The following GABRB1 variants were observed in gnomAD, a reference collection of about 807,000 sequenced individuals.
GABRB1 encodes the protein gamma-aminobutyric acid type A receptor subunit beta1.
GABRB1 carries 17 observed loss-of-function variants against 51.6 expected under a neutral mutation model. The ratio of observed to expected loss-of-function variants is 0.33; its 90% CI spans 0.23 to 0.49. The LOEUF (loss-of-function observed/expected upper bound fraction) is 0.49, where lower values mean the gene tolerates loss of function less well. Ranked by LOEUF, GABRB1 falls within the 20% of genes least tolerant of loss-of-function variation. GABRB1 has a pLI of 0.99. For missense variants in GABRB1, 410 were observed against 600.6 expected (o/e 0.68, Z 3.32); for synonymous variants, 247 against 218.9 (o/e 1.13, Z -1.14).
intron 4 of GABRB1, among the ~76,000 whole-genome samples, chr4:47,301,774 A>C (rs937841131): frequency 6.6e-6 from 1 of 152,200 alleles, no homozygotes; most frequent in Admixed American, 6.6e-5. Context: ...ACTGAAAAGC[A>C]CTTACAAATA....
At chr4:47,034,157 A>G (rs1204283552) in intron 3 of GABRB1, among the ~76,000 whole-genome samples, 1 of 152,204 alleles carries the variant, frequency 6.6e-6, no homozygotes, top group Non-Finnish European at 1.5e-5. Flanking sequence ...TAAAAAGCTC[A>G]AAAAGCAAAT....
At chr4:47,114,721 C>G (rs1479178927) in intron 3 of GABRB1, among the ~76,000 whole-genome samples, 1 of 152,158 alleles carries the variant, frequency 6.6e-6, no homozygotes, top group Non-Finnish European at 1.5e-5. Flanking sequence ...CTCCAACTTT[C>G]ATTTTTGAAA....
intron 4 of GABRB1, among the ~76,000 whole-genome samples, chr4:47,267,452 C>T (rs1349499897): frequency 1.3e-5 from 2 of 151,170 alleles, no homozygotes; most frequent in East Asian, 3.9e-4. Context: ...ATTTAAATAT[C>T]AACTAAAGAT....
intron 3 of GABRB1, among the ~76,000 whole-genome samples, chr4:47,115,969 A>T (rs1331137360): frequency 3.3e-5 from 5 of 152,166 alleles, no homozygotes; most frequent in Non-Finnish European, 7.4e-5. Context: ...TAGTCAGGCT[A>T]TATCATCTTC....
chr4:47,174,136 C>T (rs1444101421), intron 4 of GABRB1, among the ~76,000 whole-genome samples: 2 of 152,086 alleles, frequency 1.3e-5, no homozygotes, highest in Non-Finnish European at 2.9e-5. Flanking sequence ...GCAATCATGG[C>T]TCACTGCAAC....
At chr4:47,114,883 AAGCT>A (rs1715397795) in intron 3 of GABRB1, among the ~76,000 whole-genome samples, 3 of 152,160 alleles carry the variant, frequency 2.0e-5, no homozygotes, top group Non-Finnish European at 4.4e-5. Context: ...ACTGCACGCT[AAGCT>A]GGTCCACTTA....
chr4:47,275,247 T>C (rs554642020), intron 4 of GABRB1, among the ~76,000 whole-genome samples: 1 of 152,272 alleles, frequency 6.6e-6, no homozygotes, highest in East Asian at 1.9e-4. Flanking sequence ...TATCACTTTG[T>C]AACTCATCCT....
chr4:47,278,541 T>C (rs549244417), intron 4 of GABRB1, among the ~76,000 whole-genome samples: 1 of 152,260 alleles, frequency 6.6e-6, no homozygotes, highest in Admixed American at 6.5e-5. Context: ...TCATAGTGCA[T>C]GCAAAGCCAA....
intron 3 of GABRB1, among the ~76,000 whole-genome samples, chr4:47,127,182 A>G (rs1342155727): frequency 6.6e-6 from 1 of 151,842 alleles, no homozygotes; most frequent in African/African-American, 2.4e-5. Context: ...AATCTTTATA[A>G]TATTAATAAT....
At chr4:47,145,806 T>C (rs1717144627) in intron 3 of GABRB1, among the ~76,000 whole-genome samples, 1 of 152,044 alleles carries the variant, frequency 6.6e-6, no homozygotes, top group Admixed American at 6.6e-5. Context: ...CCATAGCAAC[T>C]CCCAGGCTGA....
chr4:47,417,286 CT>C (rs140071929), intron 8 of GABRB1, among the ~76,000 whole-genome samples: 1,651 of 151,526 alleles, frequency 0.011, 37 homozygotes, highest in African/African-American at 0.038. Context: ...TGTTTTTTTC[CT>C]TTTCTATTTC....
intron 4 of GABRB1, among the ~76,000 whole-genome samples, chr4:47,167,847 C>T (rs1718261496): frequency 6.6e-6 from 1 of 152,130 alleles, no homozygotes; most frequent in South Asian, 2.1e-4. Flanking sequence ...CCAGATGCAG[C>T]TCCCTAGGGA....
chr4:47,128,089 T>C (rs1004600468), intron 3 of GABRB1, among the ~76,000 whole-genome samples: 2 of 151,664 alleles, frequency 1.3e-5, no homozygotes, highest in South Asian at 2.1e-4. Context: ...ATAATGCCCA[T>C]AAGAAATCCA....
intron 5 of GABRB1, among the ~76,000 whole-genome samples, chr4:47,349,242 T>A (rs569309729): frequency 6.6e-6 from 1 of 152,082 alleles, no homozygotes; most frequent in East Asian, 1.9e-4. Context: ...ACTAAGGAGG[T>A]GACACAGGGT....
intron 3 of GABRB1, among the ~76,000 whole-genome samples, chr4:47,082,030 C>T (rs9993388): frequency 0.48 from 72,588 of 151,632 alleles, 17,717 homozygotes; most frequent in African/African-American, 0.56. Flanking sequence ...ATAACTTTAG[C>T]TAATGTATAA....
chr4:47,191,356 T>C (rs1719434720), intron 4 of GABRB1, among the ~76,000 whole-genome samples: 2 of 152,094 alleles, frequency 1.3e-5, no homozygotes, highest in South Asian at 4.1e-4. Context: ...TACAATCCCC[T>C]CAGAAATGAC....
chr4:47,244,917 A>G (rs1224998170), intron 4 of GABRB1, among the ~76,000 whole-genome samples: 1 of 152,206 alleles, frequency 6.6e-6, no homozygotes, highest in African/African-American at 2.4e-5. Flanking sequence ...TGACACCCTA[A>G]CATTACAATT....
chr4:47,252,990 A>G (rs1317090044), intron 4 of GABRB1, among the ~76,000 whole-genome samples: 3 of 152,336 alleles, frequency 2.0e-5, no homozygotes, highest in South Asian at 4.1e-4. Flanking sequence ...AGCACTTTAT[A>G]TACATTGACT....
At chr4:47,413,902 C>T (rs1222758035) in intron 8 of GABRB1, among the ~76,000 whole-genome samples, 1 of 152,134 alleles carries the variant, frequency 6.6e-6, no homozygotes, top group African/African-American at 2.4e-5. Context: ...TTCATAAGCC[C>T]CTCAGGCATC....
Sources: allele counts gnomAD v4.1 joint callset (sites outside exome capture counted in the v4.1 genomes callset), GRCh38; gene constraint gnomAD v4.1.1; transcripts MANE v1.5; gene names NCBI Gene and HGNC (gene_info 2026-07-23, HGNC 2026-07-21).